CNTNAP2: variants seen among roughly 807,000 people sequenced by gnomAD.
CNTNAP2 encodes contactin associated protein 2.
CNTNAP2 carries 98 observed loss-of-function variants against 155.2 expected under a neutral mutation model. The observed-to-expected ratio is 0.63, with a 90% CI of 0.54 to 0.75. The LOEUF (loss-of-function observed/expected upper bound fraction) is 0.75. Ranked by LOEUF, CNTNAP2 falls within the 30% of genes least tolerant of loss-of-function variation. The pLI is 0.00. For missense variants in CNTNAP2, 1,727 were observed against 1,688.1 expected (o/e 1.02, Z -0.40); for synonymous variants, 651 against 631.2 (o/e 1.03, Z -0.47).
intron 10 of CNTNAP2, among the ~76,000 whole-genome samples, chr7:147,401,645 G>A (rs1379542505): frequency 6.6e-6 from 1 of 152,154 alleles, no homozygotes; most frequent in Non-Finnish European, 1.5e-5. Context: ...CATGTATCAG[G>A]GAAGGGGACT....
At position 148,019,927 on chromosome 7, in the gene CNTNAP2, G is replaced by A. The variant is rs529309579; in HGVS notation, c.2383+41938G>A. ...AGCCTCCCAAGTAGCTGGGATTACAGGTGCCTGCCACCACGCCCAGCTAAT... is the reference window on the plus strand; with the variant it reads ...AGCCTCCCAAGTAGCTGGGATTACAAGTGCCTGCCACCACGCCCAGCTAAT... On this transcript the variant is annotated intron_variant, in intron 15 of 23. Transcript: ENST00000361727. Among the ~76,000 whole-genome samples the A allele has an allele frequency of 1.7e-3, 266 of 152,276 alleles. 2 individuals carry two copies. Among genetic ancestry groups the A allele is most frequent in the Non-Finnish European group, 2.8e-3 (189 of 68,026 alleles).
chr7:148,004,194 A>T (rs962132241), intron 15 of CNTNAP2, among the ~76,000 whole-genome samples: 10 of 152,184 alleles, frequency 6.6e-5, no homozygotes, highest in Non-Finnish European at 1.3e-4. Context: ...GGCATGTTTT[A>T]AACCATGATA....
At chr7:147,438,466 C>T (rs148664119) in intron 10 of CNTNAP2, among the ~76,000 whole-genome samples, 1 of 151,682 alleles carries the variant, frequency 6.6e-6, no homozygotes, top group African/African-American at 2.4e-5. Context: ...CCCCCTTAGT[C>T]ATGGTGAATT....
intron 1 of CNTNAP2, among the ~76,000 whole-genome samples, chr7:146,744,528 C>T (rs892613177): frequency 2.0e-5 from 3 of 152,122 alleles, no homozygotes; most frequent in Admixed American, 6.5e-5. Context: ...AGAGTCTTTA[C>T]GATGCCAACA....
At chr7:146,979,625 A>G (rs543648080) in intron 3 of CNTNAP2, among the ~76,000 whole-genome samples, 2 of 152,342 alleles carry the variant, frequency 1.3e-5, no homozygotes, top group Admixed American at 6.5e-5. Context: ...CCAATCCTGT[A>G]TCTCCAACAC....
intron 8 of CNTNAP2, among the ~76,000 whole-genome samples, chr7:147,166,583 A>G (rs1338392219): frequency 6.6e-6 from 1 of 152,176 alleles, no homozygotes; most frequent in African/African-American, 2.4e-5. Flanking sequence ...TGAAGAGACC[A>G]CCAAACAGGC....
intron 10 of CNTNAP2, among the ~76,000 whole-genome samples, chr7:147,465,864 C>T (rs1332715973): frequency 6.6e-6 from 1 of 152,116 alleles, no homozygotes; most frequent in Non-Finnish European, 1.5e-5. Context: ...AGAGTTGGGG[C>T]AAACCTTATG....
At chr7:147,603,443 C>G (rs1800997147) in intron 12 of CNTNAP2, among the ~76,000 whole-genome samples, 1 of 151,906 alleles carries the variant, frequency 6.6e-6, no homozygotes, top group Admixed American at 6.6e-5. Flanking sequence ...AAACAGAGAG[C>G]CAAATCATGA....
At chr7:146,933,783 C>T (rs111322123) in intron 3 of CNTNAP2, among the ~76,000 whole-genome samples, 1 of 151,988 alleles carries the variant, frequency 6.6e-6, no homozygotes, top group Non-Finnish European at 1.5e-5. Context: ...GGGCAAAGGA[C>T]ATGAACAGAC....
At chr7:148,160,522 C>G (rs187608233) in intron 17 of CNTNAP2, among the ~76,000 whole-genome samples, 1 of 151,910 alleles carries the variant, frequency 6.6e-6, no homozygotes, top group African/African-American at 2.4e-5. Flanking sequence ...GTGTTTGTAT[C>G]CTTTTGTTTA....
intron 21 of CNTNAP2, among the ~76,000 whole-genome samples, chr7:148,324,854 C>T (rs186301122): frequency 3.3e-5 from 5 of 151,124 alleles, no homozygotes; most frequent in Non-Finnish European, 5.9e-5. Flanking sequence ...TACCCAGCAC[C>T]CATAACAGTG....
At chr7:148,208,246 G>A (rs943942568) in intron 18 of CNTNAP2, among the ~76,000 whole-genome samples, 2 of 152,222 alleles carry the variant, frequency 1.3e-5, no homozygotes, top group African/African-American at 4.8e-5. Flanking sequence ...TTCTGCCTTT[G>A]AGTGACCATG....
intron 13 of CNTNAP2, among the ~76,000 whole-genome samples, chr7:147,784,674 C>T (rs1797712225): frequency 6.7e-6 from 1 of 148,860 alleles, no homozygotes; most frequent in Non-Finnish European, 1.5e-5. Flanking sequence ...GAAGGTTTTC[C>T]AGTAGACATT....
intron 9 of CNTNAP2, among the ~76,000 whole-genome samples, chr7:147,370,144 AGT>A (rs10596214): frequency 0.23 from 35,093 of 152,040 alleles, 4,392 homozygotes; most frequent in Non-Finnish European, 0.28. Context: ...TGTGCATGAG[AGT>A]GTGTGCGATT....
At chr7:148,234,954 A>G (rs1042632067) in intron 20 of CNTNAP2, among the ~76,000 whole-genome samples, 27 of 152,190 alleles carry the variant, frequency 1.8e-4, no homozygotes, top group African/African-American at 5.8e-4. Context: ...TCATCTAACT[A>G]GAGGGCCATC....
At chr7:147,713,109 G>A (rs575218797) in intron 13 of CNTNAP2, among the ~76,000 whole-genome samples, 1 of 151,896 alleles carries the variant, frequency 6.6e-6, no homozygotes, top group African/African-American at 2.4e-5. Context: ...CTAAGAACAC[G>A]GTGGCAAGAT....
intron 1 of CNTNAP2, among the ~76,000 whole-genome samples, chr7:146,273,224 AAAC>A (rs1319680222): frequency 3.3e-5 from 5 of 152,070 alleles, no homozygotes; most frequent in Non-Finnish European, 7.4e-5. Context: ...CAAAAAAAAA[AAAC>A]AACAAAAATC....
chr7:146,788,520 G>A (rs1162459389), intron 2 of CNTNAP2, among the ~76,000 whole-genome samples: 1 of 152,168 alleles, frequency 6.6e-6, no homozygotes, highest in Non-Finnish European at 1.5e-5. Context: ...CTGTTGAAGG[G>A]CTGGCAGTCC....
intron 15 of CNTNAP2, among the ~76,000 whole-genome samples, chr7:148,037,806 A>G (rs1802598510): frequency 6.6e-6 from 1 of 152,246 alleles, no homozygotes; most frequent in Admixed American, 6.5e-5. Context: ...AACATAGTAT[A>G]CACAGATGAT....
Sources: allele counts gnomAD v4.1 joint callset (sites outside exome capture counted in the v4.1 genomes callset), GRCh38; gene constraint gnomAD v4.1.1; transcripts MANE v1.5; gene names NCBI Gene and HGNC (gene_info 2026-07-23, HGNC 2026-07-21).